Variants in DOK6 observed in about 807,000 individuals in gnomAD.
DOK6 encodes docking protein 6, also known as downstream of tyrosine kinase 6.
DOK6 carries 22 observed loss-of-function variants against 44.0 expected under a neutral mutation model. That is an observed-to-expected ratio of 0.50 (90% CI 0.36 to 0.71). The LOEUF (loss-of-function observed/expected upper bound fraction) is 0.71. DOK6 is among the 30% of genes least tolerant of loss of function. The pLI, the probability that DOK6 is intolerant of heterozygous loss-of-function variation, is 0.00. For synonymous variants in DOK6, 166 were observed against 145.5 expected (o/e 1.14, Z -1.01); for missense variants, 340 against 416.4 (o/e 0.82, Z 1.60).
intron 5 of DOK6, among the ~76,000 whole-genome samples, chr18:69,736,777 GTCT>G (rs1321217949): frequency 2.0e-4 from 30 of 152,146 alleles, no homozygotes; most frequent in African/African-American, 6.8e-4. Context: ...GTGCAAATAC[GTCT>G]TCTAATATGT....
At chr18:69,531,954 G>A (rs910730423) in intron 1 of DOK6, among the ~76,000 whole-genome samples, 2 of 152,036 alleles carry the variant, frequency 1.3e-5, no homozygotes, top group African/African-American at 4.8e-5. Flanking sequence ...TTTAGATGAG[G>A]TCACGAGGGT....
chr18:69,684,958 G>T (rs113053313), intron 4 of DOK6, among the ~76,000 whole-genome samples: 3 of 152,092 alleles, frequency 2.0e-5, no homozygotes, highest in African/African-American at 7.2e-5. Flanking sequence ...GCATACAGGC[G>T]CATACAAATG....
chr18:69,836,085 T>G (rs1300012440), intron 7 of DOK6, among the ~76,000 whole-genome samples: 1 of 152,236 alleles, frequency 6.6e-6, no homozygotes, highest in Non-Finnish European at 1.5e-5. Flanking sequence ...GGAGAGGATA[T>G]TCACAATGTG....
rs145625382 is a variant in DOK6 at position 69,700,664 on chromosome 18, A to G, written c.599+2071A>G. On this transcript the variant is annotated intron_variant, in intron 5 of 7. Coordinates refer to ENST00000382713, the MANE Select transcript of DOK6 (RefSeq NM_152721.6). Reference sequence around the variant, plus strand: ...TCATTTGCTCTTTAGTGACTGAGAAATTGTCCATAATTTTGTGCATCTGTT... The same window carrying G: ...TCATTTGCTCTTTAGTGACTGAGAAGTTGTCCATAATTTTGTGCATCTGTT... 1.9e-3 allele frequency among the ~76,000 whole-genome samples: 296 copies of G among 152,262 alleles called. 1 individual carries two copies. Among genetic ancestry groups the G allele is most frequent in the African/African-American group, 6.7e-3 (278 of 41,556 alleles).
intron 1 of DOK6, among the ~76,000 whole-genome samples, chr18:69,472,021 G>A (rs1980127112): frequency 6.6e-6 from 1 of 152,126 alleles, no homozygotes; most frequent in African/African-American, 2.4e-5. Flanking sequence ...CCTCAGCAGG[G>A]ACTGTGGTCA....
intron 1 of DOK6, among the ~76,000 whole-genome samples, chr18:69,407,263 G>C (rs1916222600): frequency 6.6e-6 from 1 of 152,096 alleles, no homozygotes; most frequent in South Asian, 2.1e-4. Flanking sequence ...AACTGTAGAA[G>C]ATAAAAGGTA....
chr18:69,452,764 A>G (rs367642744), intron 1 of DOK6, among the ~76,000 whole-genome samples: 28,171 of 127,118 alleles, frequency 0.22, 3,472 homozygotes, highest in Middle Eastern at 0.38. Context: ...ATATACGCAA[A>G]TCAATAAATG....
chr18:69,806,818 G>A (rs572681962), intron 7 of DOK6, among the ~76,000 whole-genome samples: 5 of 151,850 alleles, frequency 3.3e-5, no homozygotes, highest in Non-Finnish European at 5.9e-5. Context: ...TGACTGTTAC[G>A]TCTACAAATT....
chr18:69,540,785 T>C (rs1982248227), intron 1 of DOK6, among the ~76,000 whole-genome samples: 1 of 152,220 alleles, frequency 6.6e-6, no homozygotes, highest in Non-Finnish European at 1.5e-5. Flanking sequence ...AAGTTGATTC[T>C]ATTGGGCTTT....
intron 1 of DOK6, among the ~76,000 whole-genome samples, chr18:69,513,385 C>CACA (rs1981427761): frequency 6.6e-6 from 1 of 152,226 alleles, no homozygotes; most frequent in Admixed American, 6.5e-5. Flanking sequence ...TACTCACGCA[C>CACA]ACACGCACAC....
intron 3 of DOK6, among the ~76,000 whole-genome samples, chr18:69,631,652 A>G (rs1187881114): frequency 6.6e-6 from 1 of 152,198 alleles, no homozygotes; most frequent in Non-Finnish European, 1.5e-5. Flanking sequence ...TAGCTAGAAC[A>G]TGTCACAGAC....
chr18:69,782,938 A>G (rs1980320767), intron 7 of DOK6, among the ~76,000 whole-genome samples: 1 of 152,170 alleles, frequency 6.6e-6, no homozygotes, highest in African/African-American at 2.4e-5. Flanking sequence ...AGTAGCCAGC[A>G]TGTGTGTGCC....
intron 4 of DOK6, among the ~76,000 whole-genome samples, chr18:69,692,683 A>G (rs190601925): frequency 1.3e-5 from 2 of 152,236 alleles, no homozygotes; most frequent in Admixed American, 1.3e-4. Context: ...ATTTATGCTC[A>G]GATAGGCCCA....
At chr18:69,772,311 A>G (rs963122663) in intron 7 of DOK6, among the ~76,000 whole-genome samples, 1 of 152,096 alleles carries the variant, frequency 6.6e-6, no homozygotes, top group Non-Finnish European at 1.5e-5. Flanking sequence ...CATAGAGTCA[A>G]TGCAATCCCC....
At chr18:69,666,436 A>ATT (rs57588383) in intron 3 of DOK6, among the ~76,000 whole-genome samples, 1 of 151,018 alleles carries the variant, frequency 6.6e-6, no homozygotes, top group African/African-American at 2.4e-5. Context: ...TATTTCTTTT[A>ATT]TTTTTTTTTA....
At chr18:69,796,951 G>A (rs1980764475) in intron 7 of DOK6, among the ~76,000 whole-genome samples, 1 of 152,124 alleles carries the variant, frequency 6.6e-6, no homozygotes, top group Non-Finnish European at 1.5e-5. Context: ...TAAGATTCTT[G>A]AAAAGAGCTT....
At chr18:69,644,532 G>A (rs1985023325) in intron 3 of DOK6, among the ~76,000 whole-genome samples, 1 of 152,132 alleles carries the variant, frequency 6.6e-6, no homozygotes, top group Non-Finnish European at 1.5e-5. Context: ...CCATTGAACT[G>A]CTGTGACACA....
chr18:69,598,227 T>C (rs1983792234), intron 2 of DOK6, among the ~76,000 whole-genome samples: 1 of 151,636 alleles, frequency 6.6e-6, no homozygotes. Context: ...ACTTAAATAT[T>C]GATTATATTT....
At chr18:69,672,196 C>G (rs1358447748) in intron 3 of DOK6, among the ~76,000 whole-genome samples, 3 of 152,170 alleles carry the variant, frequency 2.0e-5, no homozygotes, top group Admixed American at 6.5e-5. Context: ...GAAATAAATG[C>G]ACTTCCTACT....
Sources: gnomAD v4.1 joint callset for allele counts (sites outside exome capture counted in the v4.1 genomes callset) on GRCh38, gnomAD v4.1.1 for gene constraint, MANE v1.5 for transcripts, NCBI Gene and HGNC (gene_info 2026-07-23, HGNC 2026-07-21) for gene names.